ADCY8: variants seen among roughly 807,000 people sequenced by gnomAD.
The protein encoded by ADCY8 is adenylate cyclase type 8.
Under a neutral mutation model 119.7 loss-of-function variants are expected in ADCY8, and 51 were observed. The observed-to-expected ratio is 0.43, with a 90% confidence interval of 0.34 to 0.54. ADCY8 has a LOEUF of 0.54. ADCY8 is among the 20% of genes least tolerant of loss of function. The pLI is 0.03. For synonymous variants in ADCY8, 665 were observed against 651.0 expected, an observed-to-expected ratio of 1.02 and a Z score of -0.33; for missense variants, 1,383 against 1,598.8, an observed-to-expected ratio of 0.87 and a Z score of 2.30.
chr8:130,958,781 C>T (rs1443217574), intron 2 of ADCY8, among the ~76,000 whole-genome samples: 1 of 152,118 alleles, frequency 6.6e-6, no homozygotes, highest in Non-Finnish European at 1.5e-5. Context: ...GGTGGGGAAA[C>T]AGCCAAACCA....
intron 3 of ADCY8, 115 bp from the exon 4 acceptor site, chr8:130,943,577 T>A (rs1821024817): frequency 4.6e-6 from 3 of 654,606 alleles, no homozygotes; most frequent in Non-Finnish European, 8.1e-6. Flanking sequence ...TGGTCTGAGA[T>A]TTTAGCTCTT....
intron 7 of ADCY8, among the ~76,000 whole-genome samples, chr8:130,897,847 A>T (rs1184052693): frequency 6.6e-6 from 1 of 150,564 alleles, no homozygotes; most frequent in East Asian, 2.0e-4. Context: ...GCAAACATAC[A>T]TAATACACAT....
chr8:130,982,252 A>G (rs1192189927), intron 2 of ADCY8, among the ~76,000 whole-genome samples: 2 of 152,224 alleles, frequency 1.3e-5, no homozygotes, highest in African/African-American at 2.4e-5. Context: ...CCTTCCTGGC[A>G]ATTGAAGGGA....
chr8:130,819,437 A>G (rs1816441763), intron 13 of ADCY8, among the ~76,000 whole-genome samples: 1 of 152,216 alleles, frequency 6.6e-6, no homozygotes, highest in African/African-American at 2.4e-5. Context: ...TCAAATCTGA[A>G]TGTTATTAGG....
chr8:130,897,886 A>G (rs1318349295), intron 7 of ADCY8, among the ~76,000 whole-genome samples: 4 of 151,502 alleles, frequency 2.6e-5, no homozygotes, highest in African/African-American at 4.9e-5. Context: ...CACCACATAC[A>G]TACCGTACAC....
intron 2 of ADCY8, among the ~76,000 whole-genome samples, chr8:130,982,372 G>A (rs1459900131): frequency 6.6e-6 from 1 of 152,232 alleles, no homozygotes; most frequent in Admixed American, 6.5e-5. Flanking sequence ...ATTAGAGGAT[G>A]CTTCATAAGG....
chr8:131,017,230 C>G (rs533072825), intron 1 of ADCY8, among the ~76,000 whole-genome samples: 13 of 152,094 alleles, frequency 8.5e-5, no homozygotes, highest in Non-Finnish European at 1.6e-4. Flanking sequence ...CCACCACGCC[C>G]GGCTAATTTG....
At chr8:130,853,246 T>G (rs1185853662) in intron 9 of ADCY8, among the ~76,000 whole-genome samples, 1 of 152,236 alleles carries the variant, frequency 6.6e-6, no homozygotes, top group East Asian at 1.9e-4. Context: ...GGAGGAGGGC[T>G]GGCCATCTCT....
At position 130,849,791 on chromosome 8, in the gene ADCY8, C is replaced by A; in HGVS notation, c.2223G>T (p.Met741Ile). Residue 741 changes from methionine (M) to isoleucine (I), a missense_variant, in exon 10 of 18, where the codon ATG (methionine) becomes ATT (isoleucine). This residue lies in a region of ADCY8 where 928 missense variants were observed against 1,163.5 expected (regional missense o/e 0.80). Coordinates refer to ENST00000286355, the MANE Select transcript of ADCY8 (RefSeq NM_001115.3). The stretch of plus-strand genomic sequence containing the variant: ...TAATCAGAATGGAGAACTGGATGGT[C>A]ATTGGCATCACTCTGCAGGGAAACA... ...SLLPSSRVMP[M>I]TIQFSILIML... 1 of 1,612,484 alleles carries A rather than the reference C, an allele frequency of 6.2e-7. No individual in the cohort carries two copies. Among genetic ancestry groups the A allele is most frequent in the South Asian group, 1.1e-5 (1 of 90,778 alleles).
At chr8:130,783,929 A>C in intron 16 of ADCY8, 124 bp from the exon 17 acceptor site, 1 of 657,734 alleles carries the variant, frequency 1.5e-6, no homozygotes, top group Non-Finnish European at 2.6e-6. Context: ...GGAAATAATC[A>C]TGTGGGTGAG....
At chr8:131,000,664 G>A (rs1381255094) in intron 1 of ADCY8, among the ~76,000 whole-genome samples, 1 of 152,050 alleles carries the variant, frequency 6.6e-6, no homozygotes, top group Non-Finnish European at 1.5e-5. Flanking sequence ...GGTAATGGGA[G>A]CCAGAGCCTG....
intron 1 of ADCY8, among the ~76,000 whole-genome samples, chr8:131,017,291 AAC>A (rs1823508643): frequency 6.6e-6 from 1 of 152,000 alleles, no homozygotes; most frequent in African/African-American, 2.4e-5. Context: ...GCTGGTCTCG[AAC>A]TTTTGATCTC....
chr8:130,968,892 C>T (rs1177643119), intron 2 of ADCY8, among the ~76,000 whole-genome samples: 2 of 152,112 alleles, frequency 1.3e-5, no homozygotes, highest in Non-Finnish European at 2.9e-5. Flanking sequence ...TAAGTAGCCC[C>T]CTTTGGAAAA....
intron 1 of ADCY8, among the ~76,000 whole-genome samples, chr8:131,009,498 T>C (rs1586652688): frequency 6.6e-6 from 1 of 152,248 alleles, no homozygotes; most frequent in East Asian, 1.9e-4. Flanking sequence ...TCATTCTATC[T>C]TCTGCCACCC....
chr8:130,790,201 G>A (rs145730077), intron 15 of ADCY8, among the ~76,000 whole-genome samples: 7 of 152,128 alleles, frequency 4.6e-5, no homozygotes, highest in Non-Finnish European at 8.8e-5. Flanking sequence ...TAAACTATAC[G>A]GTTCTGTGGT....
At chr8:130,814,669 C>T (rs886523036) in intron 13 of ADCY8, among the ~76,000 whole-genome samples, 1 of 152,172 alleles carries the variant, frequency 6.6e-6, no homozygotes, top group Non-Finnish European at 1.5e-5. Flanking sequence ...GCAAAGGAAC[C>T]TCTTACATGG....
chr8:130,823,632 A>G (rs1179899166), intron 12 of ADCY8, among the ~76,000 whole-genome samples: 1 of 152,222 alleles, frequency 6.6e-6, no homozygotes, highest in Non-Finnish European at 1.5e-5. Context: ...ATCTTTAGAG[A>G]TCATCTTATC....
chr8:130,935,269 C>G (rs1820750330), intron 5 of ADCY8: 7 of 152,184 alleles, frequency 4.6e-5, no homozygotes, highest in Admixed American at 3.9e-4. Context: ...GCTGGCCAGC[C>G]CAGCCTAATG....
At chr8:130,876,402 T>A (rs1818566546) in intron 8 of ADCY8, among the ~76,000 whole-genome samples, 1 of 152,158 alleles carries the variant, frequency 6.6e-6, no homozygotes. Context: ...TCTTGAGCCA[T>A]CTTGTCACAA....
Sources: gnomAD v4.1 joint callset for allele counts (sites outside exome capture counted in the v4.1 genomes callset) on GRCh38, gnomAD v4.1.1 for gene constraint, gnomAD v4.1.1 regional missense constraint, MANE v1.5 for transcripts, NCBI Gene and HGNC (gene_info 2026-07-23, HGNC 2026-07-21) for gene names.